Variants in NOX4 observed in about 807,000 individuals in gnomAD.
The protein encoded by NOX4 is kidney oxidase-1.
Under a neutral mutation model 87.6 loss-of-function variants are expected in NOX4, and 69 were observed. The ratio of observed to expected loss-of-function variants is 0.79; its 90% CI spans 0.65 to 0.96. The LOEUF (loss-of-function observed/expected upper bound fraction) is 0.96. NOX4 is among the 40% of genes least tolerant of loss of function. The probability of loss-of-function intolerance (pLI) is 0.00; values close to 1 mark genes in which losing one functional copy is unlikely to be tolerated. For synonymous variants in NOX4, 275 were observed against 238.2 expected, an observed-to-expected ratio of 1.15 and a Z score of -1.42; for missense variants, 680 against 681.5, an observed-to-expected ratio of 1.00 and a Z score of 0.02.
At chr11:89,388,903 T>A (rs1940913724) in intron 11 of NOX4, among the ~76,000 whole-genome samples, 1 of 152,188 alleles carries the variant, frequency 6.6e-6, no homozygotes, top group Non-Finnish European at 1.5e-5. Flanking sequence ...CACTTAATTA[T>A]ATGTTTTGGA....
intron 2 of NOX4, among the ~76,000 whole-genome samples, chr11:89,454,169 C>T (rs924680569): frequency 2.6e-5 from 4 of 152,046 alleles, no homozygotes; most frequent in African/African-American, 7.2e-5. Context: ...TGACATGTTA[C>T]CTTGAATTTT....
chr11:89,473,472 A>G (rs569729017), intron 2 of NOX4, among the ~76,000 whole-genome samples: 28 of 152,144 alleles, frequency 1.8e-4, no homozygotes, highest in Non-Finnish European at 3.2e-4. Context: ...AACAAAAAAA[A>G]AAATGAGAGA....
At chr11:89,564,038 A>G in the NOX4 span, among the ~76,000 whole-genome samples, 1 of 152,316 alleles carries the variant, frequency 6.6e-6, no homozygotes, top group East Asian at 1.9e-4. Flanking sequence ...AAGGCCGTTT[A>G]GATAAATAAA....
chr11:89,358,909 A>G (rs1214027054), intron 12 of NOX4, among the ~76,000 whole-genome samples: 1 of 152,078 alleles, frequency 6.6e-6, no homozygotes, highest in Non-Finnish European at 1.5e-5. Flanking sequence ...AGGACTTCTT[A>G]GAAGAAATTC....
the NOX4 span, among the ~76,000 whole-genome samples, chr11:89,505,295 A>C: frequency 6.6e-5 from 10 of 152,114 alleles, no homozygotes; most frequent in South Asian, 2.1e-4. Flanking sequence ...AGACAAGCTA[A>C]GTCACTGTCT....
intron 4 of NOX4, among the ~76,000 whole-genome samples, chr11:89,445,683 T>A (rs550084283): frequency 6.6e-6 from 1 of 152,190 alleles, no homozygotes; most frequent in East Asian, 1.9e-4. Flanking sequence ...ATAAATCTAG[T>A]CATAGACTTT....
chr11:89,445,499 T>C (rs968368817), intron 4 of NOX4, among the ~76,000 whole-genome samples: 8 of 152,074 alleles, frequency 5.3e-5, no homozygotes, highest in African/African-American at 1.7e-4. Flanking sequence ...CAAGAATGTA[T>C]GGTATTAGCA....
chr11:89,538,016 T>C, the NOX4 span, among the ~76,000 whole-genome samples: 72 of 152,342 alleles, frequency 4.7e-4, no homozygotes, highest in African/African-American at 1.7e-3. Flanking sequence ...TTTTGCCCTA[T>C]TTCTCCAGTC....
chr11:89,561,085 A>ATATATATATATATATATC, the NOX4 span, among the ~76,000 whole-genome samples: 1 of 120,570 alleles, frequency 8.3e-6, no homozygotes, highest in Non-Finnish European at 1.7e-5. Flanking sequence ...ATATATATAT[A>ATATATATATATATATATC]TCCTATCAGT....
At chr11:89,382,318 G>T (rs1940348249) in intron 11 of NOX4, among the ~76,000 whole-genome samples, 1 of 151,920 alleles carries the variant, frequency 6.6e-6, no homozygotes, top group Non-Finnish European at 1.5e-5. Context: ...AAACCTAAAT[G>T]CCTTATTTTC....
At chr11:89,397,905 C>T (rs1379925058) in intron 11 of NOX4, among the ~76,000 whole-genome samples, 1 of 152,026 alleles carries the variant, frequency 6.6e-6, no homozygotes, top group African/African-American at 2.4e-5. Flanking sequence ...GAGCTGGTAC[C>T]ATTCCTTCTG....
At chr11:89,358,330 G>A (rs1262757109) in intron 12 of NOX4, among the ~76,000 whole-genome samples, 2 of 142,780 alleles carry the variant, frequency 1.4e-5, no homozygotes, top group Non-Finnish European at 3.0e-5. Context: ...AGGTTGCAGT[G>A]AGCTGAGATC....
upstream of NOX4, among the ~76,000 whole-genome samples, chr11:89,493,763 A>ATTC (rs1946918106): frequency 7.1e-6 from 1 of 141,008 alleles, no homozygotes; most frequent in Non-Finnish European, 1.5e-5. Context: ...TATTATTATT[A>ATTC]TTTTAGATGG....
intron 17 of NOX4, among the ~76,000 whole-genome samples, chr11:89,332,368 C>A (rs12788642): frequency 2.0e-5 from 3 of 151,836 alleles, no homozygotes; most frequent in Non-Finnish European, 4.4e-5. Flanking sequence ...AAAAGCCAAA[C>A]AAAGTTCAAA....
intron 2 of NOX4, among the ~76,000 whole-genome samples, chr11:89,486,379 A>G (rs1418742354): frequency 6.9e-6 from 1 of 145,574 alleles, no homozygotes; most frequent in African/African-American, 2.5e-5. Flanking sequence ...TGCTGCCTCC[A>G]AACTCCTGGG....
chr11:89,509,858 C>T, the NOX4 span, among the ~76,000 whole-genome samples: 1 of 151,940 alleles, frequency 6.6e-6, no homozygotes, highest in African/African-American at 2.4e-5. Context: ...TGATAGCACT[C>T]TACATAAAGA....
intron 2 of NOX4, chr11:89,489,013 G>T: frequency 1.4e-6 from 1 of 701,820 alleles, no homozygotes; most frequent in African/African-American, 1.7e-5. Flanking sequence ...ATGGATGAAA[G>T]AAATAAATGA....
chr11:89,494,952 T>A (rs1946932634), upstream of NOX4, among the ~76,000 whole-genome samples: 1 of 152,192 alleles, frequency 6.6e-6, no homozygotes, highest in Admixed American at 6.5e-5. Flanking sequence ...TATTTTCTTT[T>A]CTTCTTTTGA....
At chr11:89,541,750 A>C in the NOX4 span, among the ~76,000 whole-genome samples, 1 of 152,218 alleles carries the variant, frequency 6.6e-6, no homozygotes, top group African/African-American at 2.4e-5. Flanking sequence ...AAACCAGAAA[A>C]AGAATAAGTA....
Sources: allele counts gnomAD v4.1 joint callset (sites outside exome capture counted in the v4.1 genomes callset), GRCh38; gene constraint gnomAD v4.1.1; transcripts MANE v1.5; gene names NCBI Gene and HGNC (gene_info 2026-07-23, HGNC 2026-07-21).